The following PARP8 variants were observed in gnomAD, a reference collection of about 807,000 sequenced individuals.
The protein encoded by PARP8 is protein mono-ADP-ribosyltransferase PARP8.
A neutral mutation model predicts 124.1 loss-of-function variants in PARP8; 51 were observed. The ratio of observed to expected loss-of-function variants is 0.41; its 90% CI spans 0.33 to 0.52. The LOEUF is 0.52. Among genes scored for constraint, PARP8 ranks in the 20% least tolerant of loss-of-function variants. The pLI, the probability that PARP8 is intolerant of heterozygous loss-of-function variation, is 0.21. For missense variants in PARP8, 860 were observed against 1,018.9 expected, an observed-to-expected ratio of 0.84 and a Z score of 2.12; for synonymous variants, 391 against 361.5, an observed-to-expected ratio of 1.08 and a Z score of -0.93.
rs185210555 is a variant in PARP8 at position 50,841,459 on chromosome 5, C to T, written c.2463-507C>T. Among the ~76,000 whole-genome samples the T allele has an allele frequency of 9.3e-4, 141 of 151,698 alleles. 1 individual carries two copies. Among genetic ancestry groups the T allele is most frequent in the Admixed American group, 1.6e-3 (24 of 15,180 alleles). On this transcript the variant is annotated intron_variant, in intron 25 of 25. Transcript: ENST00000281631. ...TATGTTACAGTCAGACTAAATAGTG[C>T]GACCAGTGATAAGAAAAAAGGGCAG... is the stretch of plus-strand genomic sequence containing the variant.
intron 7 of PARP8, among the ~76,000 whole-genome samples, chr5:50,767,635 G>T (rs1334260643): frequency 6.6e-6 from 1 of 152,082 alleles, no homozygotes; most frequent in Non-Finnish European, 1.5e-5. Context: ...TTCTTATCTG[G>T]ATCTAATTTT....
intron 17 of PARP8, among the ~76,000 whole-genome samples, chr5:50,823,437 A>G (rs1745991906): frequency 6.6e-6 from 1 of 152,150 alleles, no homozygotes; most frequent in South Asian, 2.1e-4. Context: ...TTAATTCACA[A>G]ATGTTATTAT....
chr5:50,795,952 C>A (rs1742493118), intron 12 of PARP8, among the ~76,000 whole-genome samples: 1 of 152,188 alleles, frequency 6.6e-6, no homozygotes, highest in South Asian at 2.1e-4. Context: ...CCATTTTATA[C>A]TGAAGTCACT....
chr5:50,749,119 C>T (rs1758936162), intron 2 of PARP8, among the ~76,000 whole-genome samples: 1 of 152,102 alleles, frequency 6.6e-6, no homozygotes, highest in Non-Finnish European at 1.5e-5. Context: ...CTTCTTTTCT[C>T]TTGAAAATAG....
intron 18 of PARP8, among the ~76,000 whole-genome samples, chr5:50,826,533 ACTTCCTAGTGTGTTTTCTC>A (rs1440197184): frequency 1.3e-5 from 2 of 152,098 alleles, no homozygotes; most frequent in African/African-American, 4.8e-5. Flanking sequence ...TTAGGGAACA[ACTTCCTAGTGTGTTTTCTC>A]AGATTAAAAT....
At chr5:50,839,104 A>G (rs955959956) in intron 25 of PARP8, among the ~76,000 whole-genome samples, 9 of 151,912 alleles carry the variant, frequency 5.9e-5, no homozygotes, top group Admixed American at 5.3e-4. Flanking sequence ...AAAAGTTTTT[A>G]TTTATGAAAT....
At chr5:50,694,011 A>G (rs1752770033) in intron 2 of PARP8, among the ~76,000 whole-genome samples, 1 of 152,142 alleles carries the variant, frequency 6.6e-6, no homozygotes, top group Non-Finnish European at 1.5e-5. Context: ...GTGTCTTGCA[A>G]GTAGACTTTT....
In PARP8 at chr5:50,843,156, C is replaced by T. The variant is rs1748344826; in HGVS notation, c.*1088C>T. On this transcript the variant is annotated 3_prime_UTR_variant, in exon 26 of 26. Transcript: ENST00000281631. Reference sequence around the variant, plus strand: ...AATAAGTTTATAGAGAACAGTAACACCAGCTCTCAGCATTTCCTTTTCAAG... The same window carrying T: ...AATAAGTTTATAGAGAACAGTAACATCAGCTCTCAGCATTTCCTTTTCAAG... 2.0e-5 allele frequency: 3 copies of T among 151,576 alleles called. No individual in the cohort carries two copies. The highest frequency in any genetic ancestry group is 7.3e-5 in the African/African-American group (3 of 41,324). The allele number at this position is 151,576 out of a possible 1,614,324, so 9.4% of individuals were successfully genotyped here. A position where few individuals can be genotyped will look rare whatever the true frequency, so the allele number is the denominator to read the frequency against.
chr5:50,776,217 C>T (rs1324102583), intron 7 of PARP8, among the ~76,000 whole-genome samples: 1 of 152,180 alleles, frequency 6.6e-6, no homozygotes, highest in Non-Finnish European at 1.5e-5. Context: ...AATCATCTTG[C>T]ACTCTCTAGG....
At chr5:50,693,673 CATGTAAATTAAATT>C (rs1432188697) in intron 2 of PARP8, among the ~76,000 whole-genome samples, 2 of 151,126 alleles carry the variant, frequency 1.3e-5, no homozygotes, top group East Asian at 3.9e-4. Flanking sequence ...AGAAATCAAT[CATGTAAATTAAATT>C]ATGTAAATTA....
At position 50,828,660 on chromosome 5, in the gene PARP8, G is replaced by A. The variant is rs368516083; in HGVS notation, c.2163+276G>A. Among the ~76,000 whole-genome samples, 328 of 151,940 alleles carry A rather than the reference G, an allele frequency of 2.2e-3. 3 individuals carry two copies. The highest frequency in any genetic ancestry group is 6.8e-3 in the African/African-American group (284 of 41,466). On this transcript the variant is annotated intron_variant, in intron 21 of 25. Transcript: ENST00000281631. ...TTTGGGAAGCTGAGGCGGGCAGATC[G>A]CTTGAGGCCAGGAGTTTGAGACCAG...
intron 2 of PARP8, among the ~76,000 whole-genome samples, chr5:50,696,954 C>T (rs1579992718): frequency 2.0e-5 from 3 of 152,100 alleles, no homozygotes; most frequent in African/African-American, 7.2e-5. Flanking sequence ...CAACAGCTGC[C>T]ACTCAGCTAG....
At chr5:50,838,207 A>G (rs1011073156) in intron 25 of PARP8, among the ~76,000 whole-genome samples, 4 of 152,122 alleles carry the variant, frequency 2.6e-5, no homozygotes, top group Non-Finnish European at 4.4e-5. Context: ...CAGTAATTTT[A>G]TACATCAAAG....
At chr5:50,753,863 T>C (rs1759523440) in intron 3 of PARP8, among the ~76,000 whole-genome samples, 4 of 151,724 alleles carry the variant, frequency 2.6e-5, no homozygotes, top group Admixed American at 2.6e-4. Context: ...GTTTAAGAAA[T>C]ACTTTTGCAC....
intron 14 of PARP8, among the ~76,000 whole-genome samples, chr5:50,806,079 T>C (rs2149673737): frequency 6.6e-6 from 1 of 152,172 alleles, no homozygotes; most frequent in South Asian, 2.1e-4. Flanking sequence ...AGTAAATGCT[T>C]TTTGCATGTT....
chr5:50,796,802 G>A (rs569943078), intron 12 of PARP8, among the ~76,000 whole-genome samples, 180 bp from the exon 13 acceptor site: 3 of 152,230 alleles, frequency 2.0e-5, no homozygotes, highest in South Asian at 4.1e-4. Context: ...ATGGTAGAAA[G>A]GGTATTTATA....
intron 2 of PARP8, among the ~76,000 whole-genome samples, chr5:50,749,311 G>T (rs1758962146): frequency 6.6e-6 from 1 of 152,132 alleles, no homozygotes; most frequent in Admixed American, 6.5e-5. Flanking sequence ...TCTGTGGCAG[G>T]TGGCAGCTTC....
At chr5:50,757,096 A>C (rs1315340537) in intron 3 of PARP8, 1 of 451,070 alleles carries the variant, frequency 2.2e-6, no homozygotes, top group Non-Finnish European at 4.5e-6. Context: ...CTTAGAACTT[A>C]AGAAGTTGTT....
chr5:50,785,550 A>G (rs1741155884), intron 9 of PARP8, among the ~76,000 whole-genome samples: 1 of 152,150 alleles, frequency 6.6e-6, no homozygotes, highest in Non-Finnish European at 1.5e-5. Context: ...GTGCTTTCTC[A>G]TTTAATTCCA....
Sources: allele counts gnomAD v4.1 joint callset (sites outside exome capture counted in the v4.1 genomes callset), GRCh38; gene constraint gnomAD v4.1.1; transcripts MANE v1.5; gene names NCBI Gene and HGNC (gene_info 2026-07-23, HGNC 2026-07-21).